ENTREP1: variants seen among roughly 807,000 people sequenced by gnomAD.
ENTREP1 encodes Friedreich ataxia region gene X123.
the ENTREP1 span, among the ~76,000 whole-genome samples, chr9:69,347,822 C>G: frequency 6.6e-6 from 1 of 151,914 alleles, no homozygotes; most frequent in Non-Finnish European, 1.5e-5. Context: ...GTTCAAGGGA[C>G]CAGCTACATT....
At chr9:69,366,338 C>T in the ENTREP1 span, among the ~76,000 whole-genome samples, 1 of 148,162 alleles carries the variant, frequency 6.7e-6, no homozygotes. Context: ...TGAGAAATGT[C>T]TATCCACAAT....
chr9:69,338,776 T>C, the ENTREP1 span, among the ~76,000 whole-genome samples: 3,206 of 152,362 alleles, frequency 0.021, 49 homozygotes, highest in Middle Eastern at 0.068. Context: ...GTAAGTAGGC[T>C]GCTGCCTTAT....
the ENTREP1 span, chr9:69,336,359 T>C: frequency 4.1e-6 from 3 of 735,492 alleles, no homozygotes; most frequent in Admixed American, 2.5e-5. Flanking sequence ...ATGCTTAAGC[T>C]TCCTTGTTCA....
At chr9:69,361,050 TA>T in the ENTREP1 span, among the ~76,000 whole-genome samples, 1 of 152,192 alleles carries the variant, frequency 6.6e-6, no homozygotes, top group Non-Finnish European at 1.5e-5. Flanking sequence ...TTTCAGCCTT[TA>T]GCTGTGGTTG....
the ENTREP1 span, among the ~76,000 whole-genome samples, chr9:69,384,900 AT>A: frequency 0.042 from 6,324 of 151,336 alleles, 206 homozygotes; most frequent in Non-Finnish European, 0.06. Flanking sequence ...TAATTTTTCC[AT>A]TTTTTTTTTT....
the ENTREP1 span, among the ~76,000 whole-genome samples, chr9:69,354,466 C>T: frequency 6.6e-6 from 1 of 152,098 alleles, no homozygotes; most frequent in African/African-American, 2.4e-5. Context: ...CCATGTTGGC[C>T]AGGCTGGTCT....
At chr9:69,341,905 C>T in the ENTREP1 span, among the ~76,000 whole-genome samples, 1 of 151,918 alleles carries the variant, frequency 6.6e-6, no homozygotes, top group African/African-American at 2.4e-5. Flanking sequence ...AATCTCTTGA[C>T]CCAAAAGTCA....
chr9:69,385,968 C>T, the ENTREP1 span: 6 of 1,585,772 alleles, frequency 3.8e-6, no homozygotes, highest in East Asian at 2.3e-5. Flanking sequence ...TCCCCAAGCT[C>T]TTCGCAGGGC....
the ENTREP1 span, among the ~76,000 whole-genome samples, chr9:69,342,047 G>C: frequency 6.6e-6 from 1 of 151,932 alleles, no homozygotes; most frequent in Non-Finnish European, 1.5e-5. Flanking sequence ...ATTTCAGATG[G>C]ACATTTCAAC....
At chr9:69,325,702 C>T in the ENTREP1 span, 1 of 1,230,268 alleles carries the variant, frequency 8.1e-7, no homozygotes, top group Non-Finnish European at 1.0e-6. Flanking sequence ...AGAACTCGTG[C>T]CCGTTCTGGG....
the ENTREP1 span, among the ~76,000 whole-genome samples, chr9:69,375,190 C>A: frequency 2.6e-5 from 4 of 152,196 alleles, no homozygotes; most frequent in African/African-American, 9.7e-5. Context: ...CCACATAGGC[C>A]TGGTTTCCCA....
At chr9:69,338,445 A>G in the ENTREP1 span, among the ~76,000 whole-genome samples, 8 of 152,236 alleles carry the variant, frequency 5.3e-5, no homozygotes, top group African/African-American at 1.9e-4. Context: ...ATTCCAAATG[A>G]TGAAAAGAGT....
the ENTREP1 span, among the ~76,000 whole-genome samples, chr9:69,355,894 T>G: frequency 6.6e-6 from 1 of 152,210 alleles, no homozygotes; most frequent in Non-Finnish European, 1.5e-5. Flanking sequence ...TTCAAGTGAG[T>G]AGTGTTCCAG....
chr9:69,366,280 T>C, the ENTREP1 span, among the ~76,000 whole-genome samples: 1 of 152,200 alleles, frequency 6.6e-6, no homozygotes, highest in African/African-American at 2.4e-5. Flanking sequence ...TGATTAGTGA[T>C]GTTGTGCGCT....
chr9:69,385,923 G>A, the ENTREP1 span: 1 of 1,611,430 alleles, frequency 6.2e-7, no homozygotes, highest in Admixed American at 1.7e-5. Context: ...GAGTGACCCT[G>A]TGCTCCATCC....
the ENTREP1 span, among the ~76,000 whole-genome samples, chr9:69,328,311 C>G: frequency 3.9e-5 from 6 of 152,248 alleles, no homozygotes; most frequent in Non-Finnish European, 8.8e-5. Flanking sequence ...TGTATATATT[C>G]CAATGTGTGT....
the ENTREP1 span, among the ~76,000 whole-genome samples, chr9:69,369,686 C>G: frequency 6.6e-6 from 1 of 151,608 alleles, no homozygotes; most frequent in East Asian, 1.9e-4. Flanking sequence ...CCAAGTGTTC[C>G]TCATCCTCAC....
At chr9:69,354,522 T>G in the ENTREP1 span, among the ~76,000 whole-genome samples, 1 of 152,196 alleles carries the variant, frequency 6.6e-6, no homozygotes, top group East Asian at 1.9e-4. Flanking sequence ...CCTCCCAAAG[T>G]GCTGGGATTA....
chr9:69,364,422 A>T, the ENTREP1 span, among the ~76,000 whole-genome samples: 3 of 151,428 alleles, frequency 2.0e-5, no homozygotes, highest in African/African-American at 7.3e-5. Context: ...GTAATTTCTT[A>T]TAAGAAATAT....
Sources: allele counts gnomAD v4.1 joint callset (sites outside exome capture counted in the v4.1 genomes callset), GRCh38; gene constraint gnomAD v4.1.1; transcripts MANE v1.5; gene names NCBI Gene and HGNC (gene_info 2026-07-23, HGNC 2026-07-21).